RNF10: variants seen among roughly 807,000 people sequenced by gnomAD.
The protein encoded by RNF10 is ring finger protein 10.
A neutral mutation model predicts 91.4 loss-of-function variants in RNF10; 38 were observed. The ratio of observed to expected loss-of-function variants is 0.42; its 90% CI spans 0.32 to 0.54. RNF10 has a LOEUF of 0.54. Among genes scored for constraint, RNF10 ranks in the 20% least tolerant of loss-of-function variants. The probability of loss-of-function intolerance (pLI) is 0.16; values close to 1 mark genes in which losing one functional copy is unlikely to be tolerated. For synonymous variants in RNF10, 364 were observed against 366.3 expected (o/e 0.99, Z 0.07); for missense variants, 945 against 1,012.0 (o/e 0.93, Z 0.90).
intron 14 of RNF10, among the ~76,000 whole-genome samples, chr12:120,572,073 T>G (rs563097281): frequency 1.3e-5 from 2 of 151,652 alleles, no homozygotes; most frequent in African/African-American, 2.4e-5. Flanking sequence ...TTTTTTTTTT[T>G]TTTCCTCTTC....
intron 3 of RNF10, among the ~76,000 whole-genome samples, chr12:120,552,965 T>C (rs1268625507): frequency 6.6e-6 from 1 of 151,520 alleles, no homozygotes; most frequent in African/African-American, 2.4e-5. Flanking sequence ...GATTTGAATC[T>C]TGTTTCGGCC....
At chr12:120,559,017 ATAAT>A (rs891795824) in intron 6 of RNF10, among the ~76,000 whole-genome samples, 1 of 150,796 alleles carries the variant, frequency 6.6e-6, no homozygotes, top group East Asian at 1.9e-4. Flanking sequence ...ATTCATTAAA[ATAAT>A]TAAAATTAAT....
Position 120,575,331 on chromosome 12 carries a change from G to A in RNF10, c.2143-300G>A, listed in dbSNP as rs574839563. 8.3e-4 allele frequency: 261 copies of A among 315,148 alleles called. 3 individuals carry two copies. The highest frequency in any genetic ancestry group is 4.9e-3 in the South Asian group (102 of 20,696). The allele number at this position is 315,148 out of a possible 1,614,324, so 19.5% of individuals were successfully genotyped here. On this transcript the variant is annotated intron_variant, in intron 14 of 16. Coordinates refer to ENST00000325954, the MANE Select transcript of RNF10 (RefSeq NM_014868.5). ...GGCAGAAAAACTTAACCAGAAAGTCGGAATTCCCAATTTGAGGGTCTCAGT... is the reference window on the plus strand; with the variant it reads ...GGCAGAAAAACTTAACCAGAAAGTCAGAATTCCCAATTTGAGGGTCTCAGT...
At chr12:120,538,117 A>G (rs562692977) in intron 1 of RNF10, among the ~76,000 whole-genome samples, 1 of 152,246 alleles carries the variant, frequency 6.6e-6, no homozygotes, top group Non-Finnish European at 1.5e-5. Flanking sequence ...GCTGGGAATC[A>G]TTGAAAGGAC....
In RNF10 at chr12:120,575,933, C is replaced by T; in HGVS notation, c.2342C>T (p.Thr781Ile). The change falls in exon 16 of 17, where the codon ACT becomes ATT. Residue 781 changes from threonine (T) to isoleucine (I), a missense_variant. Coordinates refer to ENST00000325954, the MANE Select transcript of RNF10 (RefSeq NM_014868.5). ...AAFMKLDTPA[T>I]SDPLSEEKGG... ...TTCATGAAACTGGACACACCAGCTA[C>T]TTCAGATCCCCTCTCTGGTAAGGGC... is the stretch of plus-strand genomic sequence containing the variant. 6.2e-7 allele frequency: 1 copy of T among 1,613,814 alleles called. No homozygotes were observed. Among genetic ancestry groups the T allele is most frequent in the Non-Finnish European group, 8.5e-7 (1 of 1,180,034 alleles).
intron 1 of RNF10, among the ~76,000 whole-genome samples, chr12:120,544,464 C>T (rs1246452413): frequency 6.6e-6 from 1 of 152,062 alleles, no homozygotes; most frequent in Non-Finnish European, 1.5e-5. Flanking sequence ...TAAGACCAGC[C>T]TGGGCAACAA....
chr12:120,562,271 CTTTTTTTTTT>C (rs71076634), intron 7 of RNF10, among the ~76,000 whole-genome samples: 3 of 100,104 alleles, frequency 3.0e-5, no homozygotes, highest in African/African-American at 1.1e-4. Flanking sequence ...TTCTTTCTTT[CTTTTTTTTTT>C]TTTTTTTTTT....
intron 13 of RNF10, among the ~76,000 whole-genome samples, chr12:120,569,127 G>A (rs1352973613): frequency 6.6e-6 from 1 of 152,022 alleles, no homozygotes; most frequent in African/African-American, 2.4e-5. Context: ...ATGCCACCAT[G>A]CCTGGCTAAT....
At chr12:120,535,239 C>G (rs1290847432) in intron 1 of RNF10, among the ~76,000 whole-genome samples, 1 of 152,236 alleles carries the variant, frequency 6.6e-6, no homozygotes, top group Non-Finnish European at 1.5e-5. Context: ...GGTAAGGTCA[C>G]CCAGCTAGTA....
Position 120,534,543 on chromosome 12 carries a change from C to A in RNF10, c.-269C>A, listed in dbSNP as rs1330086315. 1.1e-5 allele frequency: 6 copies of A among 537,434 alleles called. No homozygotes were observed. In the Admixed American group the frequency reaches 2.6e-4, roughly 23 times the overall value. The allele number at this position is 537,434 out of a possible 1,614,324, so 33.3% of individuals were successfully genotyped here. A position where few individuals can be genotyped will look rare whatever the true frequency, so the allele number is the denominator to read the frequency against. ...CGCGCAACCTCCCTCGCCTCCCCTTCCCCCGCAGCCTCCGCCCCGCCAGGC... is the reference window on the plus strand; with the variant it reads ...CGCGCAACCTCCCTCGCCTCCCCTTACCCCGCAGCCTCCGCCCCGCCAGGC... On this transcript the variant is annotated 5_prime_UTR_variant, in exon 1 of 17. Coordinates refer to ENST00000325954, the MANE Select transcript of RNF10 (RefSeq NM_014868.5).
chr12:120,546,011 A>G (rs1872274526), intron 1 of RNF10, among the ~76,000 whole-genome samples: 1 of 152,244 alleles, frequency 6.6e-6, no homozygotes, highest in Admixed American at 6.5e-5. Context: ...ATAGTAATTT[A>G]AAAAGGAATC....
Position 120,563,636 on chromosome 12 carries a change from G to T in RNF10, c.1531+13G>T. 6.3e-7 allele frequency: 1 copy of T among 1,585,506 alleles called. No individual in the cohort carries two copies. Among genetic ancestry groups the T allele is most frequent in the East Asian group, 2.2e-5 (1 of 44,684 alleles). ...TACTTTTACCAAGGTGAGGGTGCCG[G>T]AAGAGAGGGCTGGGTTGCCGCAGAG... On this transcript the variant is annotated intron_variant, in intron 9 of 16. Coordinates refer to ENST00000325954, the MANE Select transcript of RNF10 (RefSeq NM_014868.5).
chr12:120,557,877 A>G (rs939408021), intron 6 of RNF10, among the ~76,000 whole-genome samples, 195 bp downstream of exon 6: 2 of 152,188 alleles, frequency 1.3e-5, no homozygotes, highest in African/African-American at 4.8e-5. Context: ...TGTTTAATCT[A>G]TACATCCTAA....
At chr12:120,570,812 A>T (rs1407816182) in intron 13 of RNF10, among the ~76,000 whole-genome samples, 1 of 152,156 alleles carries the variant, frequency 6.6e-6, no homozygotes, top group African/African-American at 2.4e-5. Flanking sequence ...ATTAAATTTT[A>T]TCTTTTTCTT....
intron 2 of RNF10, among the ~76,000 whole-genome samples, chr12:120,548,280 A>C (rs1010133399): frequency 2.6e-5 from 4 of 152,348 alleles, no homozygotes; most frequent in Middle Eastern, 3.4e-3. Flanking sequence ...AGCTGTCAGC[A>C]TACAGTTGGT....
chr12:120,560,154 GTTTTT>G (rs71076633), intron 6 of RNF10, among the ~76,000 whole-genome samples: 1 of 132,414 alleles, frequency 7.6e-6, no homozygotes, highest in African/African-American at 2.8e-5. Context: ...GGTTTTTTTT[GTTTTT>G]TTTTTTTTTG....
At position 120,576,676 on chromosome 12, in the gene RNF10, C is replaced by G. The variant is rs766053813; in HGVS notation, c.*10C>G. 1 of 1,605,530 alleles carries G rather than the reference C, an allele frequency of 6.2e-7. No individual in the cohort carries two copies. The highest frequency in any genetic ancestry group is 8.5e-7 in the Non-Finnish European group (1 of 1,177,568). ...CGTCCACACCAAGTGACACTACTGGCCCAGGCTACCTTCTCCATCTGGTTT... is the reference window on the plus strand; with the variant it reads ...CGTCCACACCAAGTGACACTACTGGGCCAGGCTACCTTCTCCATCTGGTTT... On this transcript the variant is annotated 3_prime_UTR_variant, in exon 17 of 17. Coordinates refer to ENST00000325954, the MANE Select transcript of RNF10 (RefSeq NM_014868.5).
Position 120,575,970 on chromosome 12 carries a change from T to C in RNF10, c.2359+20T>C. On this transcript the variant is annotated intron_variant, in intron 16 of 16. Transcript: ENST00000325954. ...TCTCTGGTAAGGGCAGAGGCTGGAGTGCCCAGGGTTGTCAAACATACTACA... is the reference window on the plus strand; with the variant it reads ...TCTCTGGTAAGGGCAGAGGCTGGAGCGCCCAGGGTTGTCAAACATACTACA... The C allele has an allele frequency of 6.2e-7, 1 of 1,612,442 alleles. No individual in the cohort carries two copies. Among genetic ancestry groups the C allele is most frequent in the Non-Finnish European group, 8.5e-7 (1 of 1,179,824 alleles).
At chr12:120,575,565 A>G in intron 14 of RNF10, 66 bp from the exon 15 acceptor site, 3 of 1,559,244 alleles carry the variant, frequency 1.9e-6, no homozygotes, top group Non-Finnish European at 2.7e-6. Flanking sequence ...TAGTCAAGGT[A>G]GGTCTGAAAA....
Sources: gnomAD v4.1 joint callset for allele counts (sites outside exome capture counted in the v4.1 genomes callset) on GRCh38, gnomAD v4.1.1 for gene constraint, MANE v1.5 for transcripts, NCBI Gene and HGNC (gene_info 2026-07-23, HGNC 2026-07-21) for gene names.